UBE2E1: variants seen among roughly 807,000 people sequenced by gnomAD.
UBE2E1 encodes the protein ubiquitin-conjugating enzyme E2 E1.
A neutral mutation model predicts 21.4 loss-of-function variants in UBE2E1; 6 were observed. That is an observed-to-expected ratio of 0.28 (90% confidence interval 0.15 to 0.55). UBE2E1 has a LOEUF of 0.55. Among genes scored for constraint, UBE2E1 ranks in the 20% least tolerant of loss-of-function variants. The pLI is 0.93. For missense variants in UBE2E1, 142 were observed against 236.5 expected (o/e 0.60, Z 2.62); for synonymous variants, 87 against 82.7 (o/e 1.05, Z -0.28).
chr3:23,880,726 T>C (rs1701018735), intron 3 of UBE2E1, among the ~76,000 whole-genome samples: 1 of 152,188 alleles, frequency 6.6e-6, no homozygotes, highest in Admixed American at 6.5e-5. Context: ...GGGGAAAGAC[T>C]CACAAAAACA....
At position 23,810,455 on chromosome 3, in the gene UBE2E1, G is replaced by A. The variant is rs966328166; in HGVS notation, c.153-1005G>A. The A allele has an allele frequency of 1.3e-6, 2 of 1,535,750 alleles. No individual in the cohort carries two copies. The highest frequency in any genetic ancestry group is 1.4e-5 in the African/African-American group (1 of 73,142). On this transcript the variant is annotated intron_variant, in intron 2 of 5. Coordinates refer to ENST00000306627, the MANE Select transcript of UBE2E1 (RefSeq NM_003341.5). This position sits in a 1 kb window ranked among gnomAD's most constrained non-coding sequence, Gnocchi z 5.8. ...ACTGCAGGTCTCCAGTCTATCCCCA[G>A]TGTGAGCTAGAGAGCGGACCATGAA... is the stretch of plus-strand genomic sequence containing the variant.
intron 3 of UBE2E1, among the ~76,000 whole-genome samples, chr3:23,877,208 C>T (rs985822125): frequency 6.6e-6 from 1 of 152,126 alleles, no homozygotes; most frequent in Non-Finnish European, 1.5e-5. Flanking sequence ...AGAGGCGGCA[C>T]TTTGAATATC....
intron 3 of UBE2E1, among the ~76,000 whole-genome samples, chr3:23,839,990 T>C (rs987038477): frequency 1.5e-4 from 23 of 152,170 alleles, no homozygotes; most frequent in African/African-American, 5.3e-4. Context: ...TCATCATATT[T>C]GGAAAGAAAG....
At chr3:23,839,307 C>G (rs766226973) in intron 3 of UBE2E1, among the ~76,000 whole-genome samples, 60 of 151,508 alleles carry the variant, frequency 4.0e-4, no homozygotes, top group Non-Finnish European at 8.0e-4. Context: ...ACTAAAAATA[C>G]AAAAAAATTA....
intron 3 of UBE2E1, among the ~76,000 whole-genome samples, chr3:23,884,343 C>T (rs1324039327): frequency 6.6e-6 from 1 of 152,184 alleles, no homozygotes. Context: ...GGTTGTCCCA[C>T]TAGTAACCTG....
chr3:23,835,860 A>T (rs1473008630), intron 3 of UBE2E1, among the ~76,000 whole-genome samples: 1 of 152,104 alleles, frequency 6.6e-6, no homozygotes, highest in African/African-American at 2.4e-5. Context: ...ATAATCCTCA[A>T]AATAAAAGGT....
chr3:23,867,931 AC>A (rs1390049662), intron 3 of UBE2E1, among the ~76,000 whole-genome samples: 20 of 152,104 alleles, frequency 1.3e-4, no homozygotes, highest in African/African-American at 4.8e-4. Flanking sequence ...GGAGACCCAA[AC>A]CCCTTGTAGT....
At chr3:23,871,368 G>A (rs1255602547) in intron 3 of UBE2E1, among the ~76,000 whole-genome samples, 3 of 146,786 alleles carry the variant, frequency 2.0e-5, no homozygotes, top group Non-Finnish European at 4.5e-5. Context: ...GGACGGGGCG[G>A]CTGGCCGGGC....
At chr3:23,809,231 A>G in intron 2 of UBE2E1, among the ~76,000 whole-genome samples, 1 of 152,240 alleles carries the variant, frequency 6.6e-6, no homozygotes, top group East Asian at 1.9e-4. Flanking sequence ...TTAGTGTTAA[A>G]GCAGACCTAA....
At position 23,853,183 on chromosome 3, in the gene UBE2E1, G is replaced by A. The variant is rs1273261582; in HGVS notation, c.204-34384G>A. On this transcript the variant is annotated intron_variant, in intron 3 of 5. Coordinates refer to ENST00000306627, the MANE Select transcript of UBE2E1 (RefSeq NM_003341.5). The surrounding 1 kb of genome is among the most constrained non-coding windows in gnomAD (Gnocchi z 4.1). The stretch of plus-strand genomic sequence containing the variant: ...GCTGGGATTACAGGCGTGAGCCACC[G>A]CGCCCAGCTGCCTTATTTCTTTTTC... Among the ~76,000 whole-genome samples the A allele has an allele frequency of 1.3e-5, 2 of 152,184 alleles. No homozygotes were observed. Among genetic ancestry groups the A allele is most frequent in the African/African-American group, 2.4e-5 (1 of 41,458 alleles).
chr3:23,856,728 C>T (rs546103753), intron 3 of UBE2E1, among the ~76,000 whole-genome samples: 3 of 152,138 alleles, frequency 2.0e-5, no homozygotes, highest in African/African-American at 7.2e-5. Flanking sequence ...AAAGAAAGCG[C>T]TTTAGAAAAG....
chr3:23,828,429 A>T (rs943769498), intron 3 of UBE2E1, among the ~76,000 whole-genome samples: 4 of 152,240 alleles, frequency 2.6e-5, no homozygotes, highest in African/African-American at 9.6e-5. Flanking sequence ...ATACTTAGTG[A>T]TTAAAAAGTT....
At position 23,876,469 on chromosome 3, in the gene UBE2E1, G is replaced by A. The variant is rs1700916184; in HGVS notation, c.204-11098G>A. Among the ~76,000 whole-genome samples the A allele has an allele frequency of 6.6e-6, 1 of 152,206 alleles. No homozygotes were observed. Among genetic ancestry groups the A allele is most frequent in the South Asian group, 2.1e-4 (1 of 4,836 alleles). On this transcript the variant is annotated intron_variant, in intron 3 of 5. Transcript: ENST00000306627. The surrounding 1 kb of genome is among the most constrained non-coding windows in gnomAD (Gnocchi z 4.3). ...CAGCTTTCACCCAGTATCTCTGGTA[G>A]ATTGCTACCTTCATAGCTTATCTTC...
intron 3 of UBE2E1, among the ~76,000 whole-genome samples, chr3:23,830,665 T>C (rs1699848901): frequency 6.6e-6 from 1 of 152,220 alleles, no homozygotes; most frequent in African/African-American, 2.4e-5. Flanking sequence ...ATTACTCTTC[T>C]TGATTCACCT....
chr3:23,834,007 G>A (rs2125295857), intron 3 of UBE2E1, among the ~76,000 whole-genome samples: 1 of 152,186 alleles, frequency 6.6e-6, no homozygotes, highest in Admixed American at 6.5e-5. Flanking sequence ...AAAGATGCCA[G>A]AAGTTTTGTA....
rs1176665090 is a variant in UBE2E1, at chr3:23,891,331, T to C, written c.*725T>C. ...CCTAATAAACACTGCTGTGTTCATT[T>C]ACTTTTCTTTTGCCTTTTGGTTGCC... On this transcript the variant is annotated 3_prime_UTR_variant, in exon 6 of 6. Transcript: ENST00000306627. The C allele has an allele frequency of 6.6e-6, 1 of 152,232 alleles. No individual in the cohort carries two copies. Among genetic ancestry groups the C allele is most frequent in the Non-Finnish European group, 1.5e-5 (1 of 68,032 alleles). 9.4% of individuals were successfully genotyped at this position (152,232 alleles called of 1,614,324 possible). A position where few individuals can be genotyped will look rare whatever the true frequency, so the allele number is the denominator to read the frequency against.
intron 3 of UBE2E1, chr3:23,879,208 A>G: frequency 1.1e-6 from 1 of 883,902 alleles, no homozygotes; most frequent in Non-Finnish European, 1.7e-6. Flanking sequence ...TCCACAACAA[A>G]TACAATGCCA....
At chr3:23,890,066 GT>G (rs1418443665) in intron 5 of UBE2E1, among the ~76,000 whole-genome samples, 1 of 152,114 alleles carries the variant, frequency 6.6e-6, no homozygotes, top group Non-Finnish European at 1.5e-5. Flanking sequence ...CAGCGTAAAG[GT>G]TAATAGTGTT....
chr3:23,861,668 G>A (rs905277308), intron 3 of UBE2E1, among the ~76,000 whole-genome samples: 1 of 152,238 alleles, frequency 6.6e-6, no homozygotes, highest in Non-Finnish European at 1.5e-5. Context: ...GATGGACGTC[G>A]AGAGGAATGC....
Sources: gnomAD v4.1 joint callset for allele counts (sites outside exome capture counted in the v4.1 genomes callset) on GRCh38, gnomAD v4.1.1 for gene constraint, Gnocchi (gnomAD v3.1) non-coding constraint, MANE v1.5 for transcripts, NCBI Gene and HGNC (gene_info 2026-07-23, HGNC 2026-07-21) for gene names.